Variants in MTUS2 observed in about 807,000 individuals in gnomAD.
The protein encoded by MTUS2 is microtubule-associated tumor suppressor candidate 2.
A neutral mutation model predicts 114.1 loss-of-function variants in MTUS2; 40 were observed. That is an observed-to-expected ratio of 0.35 (90% CI 0.27 to 0.46). The LOEUF (loss-of-function observed/expected upper bound fraction) is 0.46. MTUS2 is among the 20% of genes least tolerant of loss of function. MTUS2 has a pLI of 1.00. For missense variants in MTUS2, 1,679 were observed against 1,705.4 expected, an observed-to-expected ratio of 0.98 and a Z score of 0.27; for synonymous variants, 688 against 672.0, an observed-to-expected ratio of 1.02 and a Z score of -0.37.
chr13:29,502,812 T>G (rs1882994652), intron 15 of MTUS2, among the ~76,000 whole-genome samples, 181 bp from the exon 16 acceptor site: 1 of 152,146 alleles, frequency 6.6e-6, no homozygotes, highest in African/African-American at 2.4e-5. Flanking sequence ...TGGGAACAGA[T>G]GTGTCATTGG....
intron 1 of MTUS2, among the ~76,000 whole-genome samples, chr13:28,827,589 A>G (rs1443203597): frequency 6.6e-6 from 1 of 152,168 alleles, no homozygotes; most frequent in Non-Finnish European, 1.5e-5. Flanking sequence ...TTTCTTCAGT[A>G]TCGGGGGAAA....
chr13:28,870,050 A>G (rs939149981), intron 2 of MTUS2, among the ~76,000 whole-genome samples: 1 of 152,192 alleles, frequency 6.6e-6, no homozygotes, highest in African/African-American at 2.4e-5. Flanking sequence ...ATTTCAATAT[A>G]TATCATGTAT....
chr13:28,843,888 T>C (rs536463285), intron 2 of MTUS2, among the ~76,000 whole-genome samples: 14 of 152,348 alleles, frequency 9.2e-5, no homozygotes, highest in Admixed American at 7.8e-4. Flanking sequence ...TTGCTTCTGC[T>C]ATTAGAAGCA....
In MTUS2 at chr13:29,200,521, G is replaced by GTTTTTTTTTTTTTTT. The variant is rs56965083; in HGVS notation, c.2645-81181_2645-81167dup. On this transcript the variant is annotated intron_variant, in intron 5 of 15. Transcript: ENST00000612955. ...TGGTTTTGAGTGAGTTTCTTTTTCT[G>GTTTTTTTTTTTTTTT]TTTTTTTTTTTTTTTTGAGATGGAG... Among the ~76,000 whole-genome samples the GTTTTTTTTTTTTTTT allele has an allele frequency of 3.2e-4, 27 of 85,412 alleles. 1 individual carries two copies. Among genetic ancestry groups the GTTTTTTTTTTTTTTT allele is most frequent in the African/African-American group, 4.0e-4 (8 of 20,218 alleles). 56.0% of individuals were successfully genotyped at this position (85,412 alleles called of 152,430 possible).
intron 7 of MTUS2, among the ~76,000 whole-genome samples, chr13:29,335,731 G>T (rs1901030517): frequency 6.6e-6 from 1 of 152,164 alleles, no homozygotes; most frequent in Non-Finnish European, 1.5e-5. Flanking sequence ...CCCCCAATCG[G>T]CCTGTCTTGC....
chr13:28,942,956 T>C (rs1420545892), intron 2 of MTUS2, among the ~76,000 whole-genome samples: 1 of 152,186 alleles, frequency 6.6e-6, no homozygotes, highest in Non-Finnish European at 1.5e-5. Context: ...TTAATAAAAA[T>C]TTATGAAACG....
chr13:29,408,814 A>G (rs1210390397), intron 8 of MTUS2, among the ~76,000 whole-genome samples: 1 of 152,112 alleles, frequency 6.6e-6, no homozygotes, highest in Non-Finnish European at 1.5e-5. Context: ...ACTTGTATAT[A>G]TACTAAAAAC....
Position 29,233,356 on chromosome 13 carries a change from G to A in MTUS2, c.2645-48348G>A, listed in dbSNP as rs185698253. On this transcript the variant is annotated intron_variant, in intron 5 of 15. Transcript: ENST00000612955. ...GAACAGACTTGTGATATCACCAGGG[G>A]GGATGATCACACTGACCCCACAGGC... Among the ~76,000 whole-genome samples, 317 of 152,234 alleles carry A rather than the reference G, an allele frequency of 2.1e-3. 1 individual carries two copies. Among genetic ancestry groups the A allele is most frequent in the African/African-American group, 6.7e-3 (277 of 41,550 alleles).
At chr13:29,233,165 C>G (rs903029609) in intron 5 of MTUS2, among the ~76,000 whole-genome samples, 1 of 151,606 alleles carries the variant, frequency 6.6e-6, no homozygotes, top group African/African-American at 2.4e-5. Flanking sequence ...TTCATTCTTC[C>G]GACTGTGATG....
chr13:28,921,864 A>G (rs1255420147), intron 2 of MTUS2, among the ~76,000 whole-genome samples: 1 of 152,018 alleles, frequency 6.6e-6, no homozygotes, highest in East Asian at 1.9e-4. Context: ...CCCTCTCCCA[A>G]GTGCACGGAT....
At chr13:29,155,142 T>C (rs544858631) in intron 5 of MTUS2, among the ~76,000 whole-genome samples, 4 of 152,346 alleles carry the variant, frequency 2.6e-5, no homozygotes, top group South Asian at 2.1e-4. Context: ...AGGTAAAATA[T>C]AGTACCGTTT....
chr13:29,110,281 G>T (rs1228579722), intron 5 of MTUS2, among the ~76,000 whole-genome samples: 1 of 152,236 alleles, frequency 6.6e-6, no homozygotes, highest in Non-Finnish European at 1.5e-5. Context: ...TCTGTTGGAA[G>T]AATGGGAACA....
At chr13:29,410,161 G>A (rs983538518) in intron 8 of MTUS2, among the ~76,000 whole-genome samples, 1 of 148,006 alleles carries the variant, frequency 6.8e-6, no homozygotes, top group Non-Finnish European at 1.5e-5. Context: ...TTTCATTCTT[G>A]TTGCCCAAGC....
chr13:29,161,714 G>T (rs1009565490), intron 5 of MTUS2, among the ~76,000 whole-genome samples: 2 of 152,130 alleles, frequency 1.3e-5, no homozygotes, highest in Non-Finnish European at 2.9e-5. Context: ...TTACCAAAAG[G>T]TATCAACATC....
intron 2 of MTUS2, among the ~76,000 whole-genome samples, chr13:28,888,823 G>A (rs1257707416): frequency 6.6e-6 from 1 of 152,062 alleles, no homozygotes; most frequent in African/African-American, 2.4e-5. Flanking sequence ...TTTCGAGAGA[G>A]AGAATTGGTC....
intron 5 of MTUS2, among the ~76,000 whole-genome samples, chr13:29,177,451 G>T (rs1324125623): frequency 6.9e-6 from 1 of 145,838 alleles, no homozygotes; most frequent in Non-Finnish European, 1.5e-5. Context: ...AGTTTTACCT[G>T]TGAAAGTTGT....
At position 29,365,510 on chromosome 13, in the gene MTUS2, T is replaced by TTGTGTGTGTGTG. The variant is rs56164752; in HGVS notation, c.3117+6045_3117+6056dup. 9.6e-3 allele frequency among the ~76,000 whole-genome samples: 1,414 copies of TTGTGTGTGTGTG among 146,926 alleles called. 24 individuals are homozygous for TTGTGTGTGTGTG. Among genetic ancestry groups the TTGTGTGTGTGTG allele is most frequent in the African/African-American group, 0.028 (1,120 of 39,854 alleles). ...CATCAATACGTTTTTTTGTTTGGGT[T>TTGTGTGTGTGTG]TGTGTGTGTGTGTGTGTGTAATTAA... On this transcript the variant is annotated intron_variant, in intron 8 of 15. Transcript: ENST00000612955.
At chr13:29,263,769 A>G (rs1024443519) in intron 5 of MTUS2, among the ~76,000 whole-genome samples, 1 of 152,164 alleles carries the variant, frequency 6.6e-6, no homozygotes, top group Non-Finnish European at 1.5e-5. Context: ...CAAGCCATTC[A>G]TGAGGGATCT....
chr13:29,387,102 T>C (rs1424021103), intron 8 of MTUS2, among the ~76,000 whole-genome samples: 2 of 152,196 alleles, frequency 1.3e-5, no homozygotes, highest in East Asian at 3.9e-4. Flanking sequence ...TAGCAGCTCC[T>C]GCCCTGACTG....
Sources: gnomAD v4.1 joint callset for allele counts (sites outside exome capture counted in the v4.1 genomes callset) on GRCh38, gnomAD v4.1.1 for gene constraint, MANE v1.5 for transcripts, NCBI Gene and HGNC (gene_info 2026-07-23, HGNC 2026-07-21) for gene names.